Variants in CNTNAP2 observed in about 807,000 individuals in gnomAD.
CNTNAP2 encodes contactin associated protein 2, also known as contactin-associated protein-like 2.
A neutral mutation model predicts 155.2 loss-of-function variants in CNTNAP2; 98 were observed. That is an observed-to-expected ratio of 0.63 (90% confidence interval 0.54 to 0.75). The LOEUF (loss-of-function observed/expected upper bound fraction) is 0.75, where lower values mean the gene tolerates loss of function less well. CNTNAP2 is among the 30% of genes least tolerant of loss of function. The pLI is 0.00. For missense variants in CNTNAP2, 1,727 were observed against 1,688.1 expected, an observed-to-expected ratio of 1.02 and a Z score of -0.40; for synonymous variants, 651 against 631.2, an observed-to-expected ratio of 1.03 and a Z score of -0.47.
At chr7:148,064,737 C>T (rs1334405298) in intron 15 of CNTNAP2, among the ~76,000 whole-genome samples, 1 of 146,586 alleles carries the variant, frequency 6.8e-6, no homozygotes, top group Non-Finnish European at 1.5e-5. Flanking sequence ...AAGATCTCTA[C>T]AAGGAAAACT....
At position 148,071,456 on chromosome 7, in the gene CNTNAP2, G is replaced by A. The variant is rs962678539; in HGVS notation, c.2384-46662G>A. 3.3e-4 allele frequency among the ~76,000 whole-genome samples: 50 copies of A among 152,152 alleles called. 1 individual carries two copies. Among genetic ancestry groups the A allele is most frequent in the Admixed American group, 2.0e-4 (3 of 15,266 alleles). On this transcript the variant is annotated intron_variant, in intron 15 of 23. Coordinates refer to ENST00000361727, the MANE Select transcript of CNTNAP2 (RefSeq NM_014141.6). ...ATTGTGCCACTGCACTCCAGCCTGG[G>A]TGACAGAGCGAGACTCCATCTCACA...
intron 1 of CNTNAP2, among the ~76,000 whole-genome samples, chr7:146,758,384 CAGGTG>C (rs1802028468): frequency 1.3e-5 from 2 of 152,258 alleles, no homozygotes; most frequent in Admixed American, 6.5e-5. Flanking sequence ...GAGGTTATCC[CAGGTG>C]TGGTGCTCAA....
intron 13 of CNTNAP2, among the ~76,000 whole-genome samples, chr7:147,712,299 G>C (rs942379743): frequency 2.0e-5 from 3 of 152,166 alleles, no homozygotes; most frequent in Non-Finnish European, 4.4e-5. Context: ...CTGTTGGTGG[G>C]ACTGTAAACT....
rs1000988996 is a variant in CNTNAP2 at position 146,346,919 on chromosome 7, GATTGTTTTTT to G, written c.97+229960_97+229969del. Among the ~76,000 whole-genome samples the G allele has an allele frequency of 2.7e-3, 417 of 151,980 alleles. 1 individual carries two copies. The highest frequency in any genetic ancestry group is 9.0e-3 in the African/African-American group (371 of 41,414). On this transcript the variant is annotated intron_variant, in intron 1 of 23. Transcript: ENST00000361727. The stretch of plus-strand genomic sequence containing the variant: ...ATGGGAGAATAAGGTTTTTTTGTTT[GATTGTTTTTT>G]ATTGTTTTTTATTTTATTTTTTTTT...
intron 10 of CNTNAP2, among the ~76,000 whole-genome samples, chr7:147,475,634 A>T (rs961581359): frequency 7.2e-5 from 11 of 152,068 alleles, no homozygotes; most frequent in African/African-American, 2.4e-4. Flanking sequence ...GTCACTCAAG[A>T]TTTAAAAAAA....
intron 1 of CNTNAP2, among the ~76,000 whole-genome samples, chr7:146,317,330 T>A (rs1405752908): frequency 6.6e-6 from 1 of 152,166 alleles, no homozygotes; most frequent in Non-Finnish European, 1.5e-5. Context: ...CTGCCTTGTA[T>A]TTTTTTGTCC....
intron 21 of CNTNAP2, among the ~76,000 whole-genome samples, chr7:148,273,886 C>T (rs4422698): frequency 0.56 from 85,438 of 152,010 alleles, 25,589 homozygotes; most frequent in South Asian, 0.77. Flanking sequence ...TGATCCTACA[C>T]GACTTTTTAT....
intron 1 of CNTNAP2, among the ~76,000 whole-genome samples, chr7:146,352,753 T>G (rs1256535015): frequency 4.6e-4 from 53 of 115,024 alleles, no homozygotes; most frequent in Non-Finnish European, 6.8e-4. Context: ...TAATTCTGTT[T>G]TTTTTTTTTT....
chr7:147,894,165 C>A (rs1430055322), intron 13 of CNTNAP2: 1 of 152,154 alleles, frequency 6.6e-6, no homozygotes, highest in Non-Finnish European at 1.5e-5. Context: ...CTCACAGGTG[C>A]AAGAATGTTT....
intron 1 of CNTNAP2, among the ~76,000 whole-genome samples, chr7:146,580,745 TA>T (rs960819030): frequency 4.6e-5 from 7 of 152,124 alleles, no homozygotes; most frequent in African/African-American, 1.7e-4. Context: ...TGTTTTGTGA[TA>T]AATATTATTA....
At chr7:146,878,018 T>C (rs1377966194) in intron 3 of CNTNAP2, among the ~76,000 whole-genome samples, 1 of 152,194 alleles carries the variant, frequency 6.6e-6, no homozygotes, top group Non-Finnish European at 1.5e-5. Context: ...GATTCAGAAC[T>C]TGTATTCTTT....
At chr7:146,669,164 A>G (rs954438828) in intron 1 of CNTNAP2, among the ~76,000 whole-genome samples, 7 of 152,184 alleles carry the variant, frequency 4.6e-5, no homozygotes, top group African/African-American at 1.7e-4. Context: ...GACAACTTTC[A>G]TCTCTCATAG....
intron 7 of CNTNAP2, among the ~76,000 whole-genome samples, chr7:147,129,545 G>A (rs921712266): frequency 8.5e-5 from 13 of 152,190 alleles, no homozygotes; most frequent in African/African-American, 3.1e-4. Context: ...TAGTATGAGA[G>A]TTCCCTATGG....
intron 1 of CNTNAP2, among the ~76,000 whole-genome samples, chr7:146,126,214 G>A (rs900304104): frequency 6.6e-6 from 1 of 152,098 alleles, no homozygotes; most frequent in East Asian, 1.9e-4. Flanking sequence ...TAACTAAGAA[G>A]TTTCAGCTTA....
At chr7:146,366,259 T>G (rs1233418346) in intron 1 of CNTNAP2, among the ~76,000 whole-genome samples, 1 of 48,956 alleles carries the variant, frequency 2.0e-5, no homozygotes, top group Non-Finnish European at 3.5e-5. Flanking sequence ...CTTAAAATAA[T>G]TTTTTTTATC....
At chr7:146,288,629 A>G (rs536040732) in intron 1 of CNTNAP2, among the ~76,000 whole-genome samples, 55 of 152,112 alleles carry the variant, frequency 3.6e-4, no homozygotes, top group African/African-American at 1.3e-3. Flanking sequence ...TATTATTAAT[A>G]TTAATATTTG....
At chr7:147,920,539 A>G (rs1800256649) in intron 14 of CNTNAP2, among the ~76,000 whole-genome samples, 2 of 152,064 alleles carry the variant, frequency 1.3e-5, no homozygotes, top group African/African-American at 4.8e-5. Context: ...CCTACCTGTG[A>G]TCAGGTCTCC....
intron 2 of CNTNAP2, among the ~76,000 whole-genome samples, chr7:146,822,178 G>A (rs1286088566): frequency 6.6e-6 from 1 of 152,032 alleles, no homozygotes; most frequent in Non-Finnish European, 1.5e-5. Flanking sequence ...GTAGGGACAT[G>A]GATGAAACTG....
At chr7:147,576,715 G>A (rs2189998) in intron 12 of CNTNAP2, among the ~76,000 whole-genome samples, 104,609 of 152,000 alleles carry the variant, frequency 0.69, 36,561 homozygotes, top group African/African-American at 0.8. Flanking sequence ...TCTTCCACCA[G>A]TGAAAAGTCA....
Sources: allele counts gnomAD v4.1 joint callset (sites outside exome capture counted in the v4.1 genomes callset), GRCh38; gene constraint gnomAD v4.1.1; transcripts MANE v1.5; gene names NCBI Gene and HGNC (gene_info 2026-07-23, HGNC 2026-07-21).